Variants in SFMBT1 observed in about 807,000 individuals in gnomAD.
The protein encoded by SFMBT1 is scm-like with four MBT domains protein 1.
SFMBT1 carries 32 observed loss-of-function variants against 108.7 expected under a neutral mutation model. That is an observed-to-expected ratio of 0.29 (90% CI 0.22 to 0.40). The LOEUF (loss-of-function observed/expected upper bound fraction) is 0.40. Among genes scored for constraint, SFMBT1 ranks in the 10% least tolerant of loss-of-function variants. The pLI is 1.00. For missense variants in SFMBT1, 816 were observed against 1,059.6 expected, an observed-to-expected ratio of 0.77 and a Z score of 3.19; for synonymous variants, 348 against 369.5, an observed-to-expected ratio of 0.94 and a Z score of 0.67.
chr3:52,981,128 C>A (rs1704695518), intron 1 of SFMBT1, among the ~76,000 whole-genome samples: 2 of 149,196 alleles, frequency 1.3e-5, no homozygotes, highest in South Asian at 4.2e-4. Context: ...TGCCACTGCA[C>A]TCTAGCATGG....
At chr3:52,945,361 T>C (rs1351687323) in intron 3 of SFMBT1, among the ~76,000 whole-genome samples, 2 of 151,772 alleles carry the variant, frequency 1.3e-5, no homozygotes, top group African/African-American at 4.8e-5. Flanking sequence ...TAATGCATTA[T>C]AACTAATAGA....
At chr3:52,974,333 C>T (rs892020594) in intron 1 of SFMBT1, among the ~76,000 whole-genome samples, 21 of 152,158 alleles carry the variant, frequency 1.4e-4, no homozygotes, top group African/African-American at 4.8e-4. Flanking sequence ...GCTCCATTTT[C>T]AGCAGATGTG....
At chr3:52,959,450 A>G (rs1703889558) in intron 2 of SFMBT1, among the ~76,000 whole-genome samples, 1 of 152,000 alleles carries the variant, frequency 6.6e-6, no homozygotes, top group Admixed American at 6.6e-5. Context: ...TGCCTACCCT[A>G]CCACTTTATC....
At chr3:52,967,212 G>C (rs1191652656) in intron 2 of SFMBT1, among the ~76,000 whole-genome samples, 1 of 152,018 alleles carries the variant, frequency 6.6e-6, no homozygotes. Flanking sequence ...ATTACATTAA[G>C]TATAAATGGT....
chr3:52,986,690 C>T (rs903759105), intron 1 of SFMBT1, among the ~76,000 whole-genome samples: 3 of 147,896 alleles, frequency 2.0e-5, no homozygotes, highest in Admixed American at 6.9e-5. Context: ...GCAGGGAAAT[C>T]GCTTTAACCT....
intron 9 of SFMBT1, among the ~76,000 whole-genome samples, chr3:52,927,953 A>T (rs1293715162): frequency 6.6e-6 from 1 of 152,234 alleles, no homozygotes. Context: ...GGACATAGAT[A>T]TCAAAGTCAG....
intron 1 of SFMBT1, among the ~76,000 whole-genome samples, chr3:52,997,743 A>G (rs1158155616): frequency 6.6e-6 from 1 of 150,390 alleles, no homozygotes; most frequent in Admixed American, 6.7e-5. Context: ...ATCAGGATGC[A>G]TTGTCTGTAA....
intron 11 of SFMBT1, among the ~76,000 whole-genome samples, chr3:52,921,269 G>A (rs962905997): frequency 2.0e-5 from 3 of 152,132 alleles, no homozygotes; most frequent in African/African-American, 4.8e-5. Flanking sequence ...CTCACGCAGC[G>A]CCTTGCATCC....
intron 1 of SFMBT1, among the ~76,000 whole-genome samples, chr3:53,022,896 A>G (rs1173577315): frequency 1.3e-5 from 2 of 152,250 alleles, no homozygotes; most frequent in Non-Finnish European, 1.5e-5. Context: ...TATACTTAAA[A>G]GCAGTTAAGA....
chr3:52,997,824 A>G (rs948250178), intron 1 of SFMBT1, among the ~76,000 whole-genome samples: 1 of 150,608 alleles, frequency 6.6e-6, no homozygotes, highest in African/African-American at 2.4e-5. Context: ...ACTCTATACA[A>G]TTACTAAAAT....
At position 52,907,070 on chromosome 3, in the gene SFMBT1, T is replaced by C. The variant is rs1180682662; in HGVS notation, c.2330A>G (p.Lys777Arg). The change falls in exon 19 of 21, where the codon AAG becomes AGG. Residue 777 changes from lysine to arginine, a missense_variant and splice_region_variant. By Grantham distance (26) the Lys-to-Arg change is conservative. This residue lies in a region of SFMBT1 where 177 missense variants were observed against 182.0 expected (regional missense o/e 0.97). Transcript: ENST00000394752. ...AAGAAACTATTTTTTAAATGGTACC[T>C]TTGGTGAAGGAGGTTTATTTTCATC... ...SDDENKPPSP[K>R]EIRIEVAERL... The C allele has an allele frequency of 6.2e-7, 1 of 1,605,420 alleles. No individual in the cohort carries two copies. Among genetic ancestry groups the C allele is most frequent in the African/African-American group, 1.3e-5 (1 of 74,380 alleles).
At chr3:52,962,684 T>C (rs1046197861) in intron 2 of SFMBT1, among the ~76,000 whole-genome samples, 1 of 151,706 alleles carries the variant, frequency 6.6e-6, no homozygotes, top group African/African-American at 2.4e-5. Flanking sequence ...GGCACGTGCC[T>C]GTAATCCCAG....
chr3:52,983,742 CAGTGGTTGGA>C (rs1432255547), intron 1 of SFMBT1, among the ~76,000 whole-genome samples: 1 of 152,128 alleles, frequency 6.6e-6, no homozygotes, highest in Non-Finnish European at 1.5e-5. Context: ...TTTGAGGCCA[CAGTGGTTGGA>C]ACAAAATGAT....
chr3:53,023,328 T>C (rs570237090), intron 1 of SFMBT1, among the ~76,000 whole-genome samples: 1 of 152,344 alleles, frequency 6.6e-6, no homozygotes, highest in African/African-American at 2.4e-5. Flanking sequence ...TCTTGTTCCA[T>C]TTCTAGAGGC....
chr3:52,914,508 C>T (rs767109216), intron 14 of SFMBT1, among the ~76,000 whole-genome samples: 5 of 152,092 alleles, frequency 3.3e-5, no homozygotes, highest in African/African-American at 9.7e-5. Flanking sequence ...GGGAGCACAT[C>T]GCTTGAGTCC....
At chr3:52,911,223 T>C (rs374506278) in intron 16 of SFMBT1, 45 bp from the exon 17 acceptor site, 10 of 1,530,486 alleles carry the variant, frequency 6.5e-6, no homozygotes, top group African/African-American at 2.8e-5. Context: ...GGGCTAATGA[T>C]TACCCAGAGA....
chr3:53,003,219 A>G lies in SFMBT1; in HGVS notation c.-130-33961T>C, dbSNP rs74599071. Among the ~76,000 whole-genome samples, 137 of 149,300 alleles carry G rather than the reference A, an allele frequency of 9.2e-4. 9 individuals are homozygous for G. The East Asian group carries it at 0.025, about 27-fold the overall frequency. ...TCCAATTTCAAAAGAAAAACTCTCT[A>G]TATGTTCTGCATCAAGCTAATACCA... On this transcript the variant is annotated intron_variant, in intron 1 of 20. Transcript: ENST00000394752.
Position 52,904,322 on chromosome 3 carries a change from G to A in SFMBT1, c.*814C>T, listed in dbSNP as rs1298600364. On this transcript the variant is annotated 3_prime_UTR_variant, in exon 21 of 21. Coordinates refer to ENST00000394752, the MANE Select transcript of SFMBT1 (RefSeq NM_016329.4). Reference sequence around the variant, plus strand: ...GATGTTACTTAACACAGGCAGCCTCGGCTGGGTCAAGATGGAGAACAGTAA... The same window carrying A: ...GATGTTACTTAACACAGGCAGCCTCAGCTGGGTCAAGATGGAGAACAGTAA... 1.3e-5 allele frequency: 2 copies of A among 152,142 alleles called. No homozygotes were observed. The highest frequency in any genetic ancestry group is 1.3e-4 in the Admixed American group (2 of 15,276). 9.4% of individuals were successfully genotyped at this position (152,142 alleles called of 1,614,324 possible).
intron 4 of SFMBT1, among the ~76,000 whole-genome samples, chr3:52,942,811 A>C (rs980794144): frequency 6.6e-6 from 1 of 152,182 alleles, no homozygotes; most frequent in Non-Finnish European, 1.5e-5. Context: ...CACCCCGCCC[A>C]GACAACTCAC....
Sources: gnomAD v4.1 joint callset for allele counts (sites outside exome capture counted in the v4.1 genomes callset) on GRCh38, gnomAD v4.1.1 for gene constraint, gnomAD v4.1.1 regional missense constraint, MANE v1.5 for transcripts, NCBI Gene and HGNC (gene_info 2026-07-23, HGNC 2026-07-21) for gene names.